SRRM4: variants seen among roughly 807,000 people sequenced by gnomAD.
SRRM4 encodes the protein serine/arginine repetitive matrix 4.
SRRM4 carries 33 observed loss-of-function variants against 68.9 expected under a neutral mutation model. The ratio of observed to expected loss-of-function variants is 0.48; its 90% CI spans 0.36 to 0.64. The LOEUF (loss-of-function observed/expected upper bound fraction) is 0.64. Among genes scored for constraint, SRRM4 ranks in the 30% least tolerant of loss-of-function variants. The pLI is 0.00. For missense variants in SRRM4, 817 were observed against 827.1 expected (o/e 0.99, Z 0.15); for synonymous variants, 318 against 318.8 (o/e 1.00, Z 0.03).
chr12:119,156,820 G>C lies in SRRM4; in HGVS notation c.*22G>C, dbSNP rs1398302232. ...CTAAGTGCCCCTGAGCCAGCTGCCC[G>C]TGGGGGCCCCTTCGCGCTGCCAGCC... is the stretch of plus-strand genomic sequence containing the variant. On this transcript the variant is annotated 3_prime_UTR_variant, in exon 13 of 13. Transcript: ENST00000267260. 6.7e-7 allele frequency: 1 copy of C among 1,500,366 alleles called. No homozygotes were observed. Among genetic ancestry groups the C allele is most frequent in the African/African-American group, 1.4e-5 (1 of 72,212 alleles). 92.9% of individuals were successfully genotyped at this position (1,500,366 alleles called of 1,614,324 possible). A position where few individuals can be genotyped will look rare whatever the true frequency, so the allele number is the denominator to read the frequency against.
Position 119,004,063 on chromosome 12 carries a change from A to G in SRRM4, c.131+22050A>G, listed in dbSNP as rs142467729. ...ATGTTTGTGGTTTTTCTCAGCTTCT[A>G]AAAATGAGTCATGTGTTATTATCAT... On this transcript the variant is annotated intron_variant, in intron 1 of 12. Transcript: ENST00000267260. Among the ~76,000 whole-genome samples, 1,112 of 152,154 alleles carry G rather than the reference A, an allele frequency of 7.3e-3. 18 individuals are homozygous for G. Among genetic ancestry groups the G allele is most frequent in the African/African-American group, 0.024 (1,018 of 41,572 alleles).
Position 119,154,265 on chromosome 12 carries a change from GAGA to G in SRRM4, c.1417_1419del (p.Lys473del). On this transcript the variant is annotated inframe_deletion, in exon 12 of 13. Coordinates refer to ENST00000267260, the MANE Select transcript of SRRM4 (RefSeq NM_194286.4). The surrounding 1 kb of genome is among the most constrained non-coding windows in gnomAD (Gnocchi z 4.7). ...CAGGGAGCGGGATCCCAAATACAGTGAGAAGGACTCGCAGCAGCGGGAGCGCGA... is the reference window on the plus strand; with the variant it reads ...CAGGGAGCGGGATCCCAAATACAGTGAGGACTCGCAGCAGCGGGAGCGCGA... 6.2e-7 allele frequency: 1 copy of G among 1,608,868 alleles called. No homozygotes were observed. Among genetic ancestry groups the G allele is most frequent in the African/African-American group, 1.3e-5 (1 of 74,964 alleles).
chr12:119,029,420 A>G (rs1953572179), intron 1 of SRRM4, among the ~76,000 whole-genome samples: 1 of 152,234 alleles, frequency 6.6e-6, no homozygotes, highest in Admixed American at 6.5e-5. Flanking sequence ...CCAATAGGTG[A>G]AAATTCCAAG....
intron 6 of SRRM4, among the ~76,000 whole-genome samples, chr12:119,123,364 C>CAT (rs1954235317): frequency 6.6e-6 from 1 of 152,026 alleles, no homozygotes; most frequent in South Asian, 2.1e-4. Flanking sequence ...TTATTGGCCA[C>CAT]GTGTATTGAA....
Position 119,120,249 on chromosome 12 carries a change from G to A in SRRM4, c.438-1G>A. The A allele has an allele frequency of 6.5e-7, 1 of 1,538,518 alleles. No homozygotes were observed. Among genetic ancestry groups the A allele is most frequent in the Non-Finnish European group, 8.8e-7 (1 of 1,141,178 alleles). On this transcript the variant is annotated splice_acceptor_variant, in intron 4 of 12. Transcript: ENST00000267260. LOFTEE classifies it high-confidence loss of function. ...CATTTTTTTTCTTTCTTTCTTTTCA[G>A]GTCATTCTCCAAGAAGAGAAGGCAC...
At chr12:119,019,652 C>T (rs1430045750) in intron 1 of SRRM4, among the ~76,000 whole-genome samples, 1 of 152,166 alleles carries the variant, frequency 6.6e-6, no homozygotes, top group East Asian at 1.9e-4. Flanking sequence ...TAAGAACTCC[C>T]TTCTCTGCTC....
intron 1 of SRRM4, among the ~76,000 whole-genome samples, chr12:119,069,144 C>G (rs939363322): frequency 6.6e-6 from 1 of 152,044 alleles, no homozygotes; most frequent in African/African-American, 2.4e-5. Context: ...CGGGAGAGCC[C>G]TAAATAGTAA....
chr12:119,051,015 G>C (rs1426666178), intron 1 of SRRM4, among the ~76,000 whole-genome samples: 4 of 152,196 alleles, frequency 2.6e-5, no homozygotes, highest in Non-Finnish European at 5.9e-5. Context: ...AGCCAGAACA[G>C]TGGTTCTCAA....
intron 1 of SRRM4, among the ~76,000 whole-genome samples, chr12:119,094,141 C>A (rs1397828861): frequency 1.3e-5 from 2 of 152,172 alleles, no homozygotes; most frequent in Non-Finnish European, 2.9e-5. Context: ...CACTCACACA[C>A]ATCCACACTC....
chr12:119,145,186 G>T (rs1451088733), intron 8 of SRRM4, among the ~76,000 whole-genome samples, 195 bp from the exon 9 acceptor site: 3 of 151,280 alleles, frequency 2.0e-5, no homozygotes, highest in Non-Finnish European at 2.9e-5. Context: ...CTAGCAGGGG[G>T]TAAAAAAAAA....
At chr12:119,130,010 T>TG in intron 7 of SRRM4, among the ~76,000 whole-genome samples, 5 of 147,942 alleles carry the variant, frequency 3.4e-5, no homozygotes, top group Admixed American at 6.7e-5. Flanking sequence ...GATGGATGGA[T>TG]GAATGCATAG....
chr12:119,133,850 A>G (rs1954312039), intron 8 of SRRM4, among the ~76,000 whole-genome samples: 1 of 152,200 alleles, frequency 6.6e-6, no homozygotes, highest in African/African-American at 2.4e-5. Context: ...CGAGACAGAC[A>G]AGTTAAAAAC....
In SRRM4 at chr12:119,154,218, C is replaced by G. The variant is rs1470765674; in HGVS notation, c.1392-25C>G. 1 of 1,580,176 alleles carries G rather than the reference C, an allele frequency of 6.3e-7. No individual in the cohort carries two copies. Among genetic ancestry groups the G allele is most frequent in the African/African-American group, 1.3e-5 (1 of 74,080 alleles). On this transcript the variant is annotated intron_variant, in intron 11 of 12. Coordinates refer to ENST00000267260, the MANE Select transcript of SRRM4 (RefSeq NM_194286.4). This position sits in a 1 kb window ranked among gnomAD's most constrained non-coding sequence, Gnocchi z 4.7. ...GAAAATCCAGCCCAGCCCCAGCTCCCCAGTAACCCCCCGCGCCCCTTCAGG... is the reference window on the plus strand; with the variant it reads ...GAAAATCCAGCCCAGCCCCAGCTCCGCAGTAACCCCCCGCGCCCCTTCAGG...
In SRRM4 at chr12:119,051,665, G is replaced by A. The variant is rs561073749; in HGVS notation, c.132-50571G>A. 1.4e-3 allele frequency among the ~76,000 whole-genome samples: 215 copies of A among 152,202 alleles called. 1 individual carries two copies. Among genetic ancestry groups the A allele is most frequent in the African/African-American group, 4.9e-3 (203 of 41,534 alleles). On this transcript the variant is annotated intron_variant, in intron 1 of 12. Coordinates refer to ENST00000267260, the MANE Select transcript of SRRM4 (RefSeq NM_194286.4). ...ATACTTTCCCTTCCTTGGCCTTCAC[G>A]TTGCACTGAACATATTAAAGGCACT...
At chr12:119,014,530 G>A (rs1167082915) in intron 1 of SRRM4, among the ~76,000 whole-genome samples, 2 of 152,190 alleles carry the variant, frequency 1.3e-5, no homozygotes, top group Non-Finnish European at 2.9e-5. Flanking sequence ...AAAACTGTCT[G>A]CAAGGAGGCT....
chr12:119,140,218 T>C (rs1321162769), intron 8 of SRRM4, among the ~76,000 whole-genome samples: 1 of 148,988 alleles, frequency 6.7e-6, no homozygotes, highest in East Asian at 2.0e-4. Flanking sequence ...CTACTAAAAA[T>C]ACAAAAAAAA....
chr12:119,128,294 T>C (rs902791496), intron 7 of SRRM4, among the ~76,000 whole-genome samples: 4 of 152,184 alleles, frequency 2.6e-5, no homozygotes, highest in African/African-American at 9.7e-5. Context: ...TATGAGTGAC[T>C]GCTGCTTCCT....
chr12:119,006,038 G>A (rs1293043995), intron 1 of SRRM4, among the ~76,000 whole-genome samples: 1 of 152,200 alleles, frequency 6.6e-6, no homozygotes, highest in African/African-American at 2.4e-5. Flanking sequence ...GGATTTGAAT[G>A]AGATTTGAAA....
intron 1 of SRRM4, among the ~76,000 whole-genome samples, chr12:119,017,109 C>T (rs577594715): frequency 1.3e-5 from 2 of 152,322 alleles, no homozygotes; most frequent in South Asian, 4.1e-4. Context: ...TTCATATCAC[C>T]ACAGCCTAGT....
Sources: allele counts gnomAD v4.1 joint callset (sites outside exome capture counted in the v4.1 genomes callset), GRCh38; gene constraint gnomAD v4.1.1; non-coding constraint Gnocchi (gnomAD v3.1); transcripts MANE v1.5; gene names NCBI Gene and HGNC (gene_info 2026-07-23, HGNC 2026-07-21).